The following NF2 variants were observed in gnomAD, a reference collection of about 807,000 sequenced individuals.
NF2 encodes the protein NF2, moesin-ezrin-radixin like (MERLIN) tumor suppressor.
Under a neutral mutation model 83.7 loss-of-function variants are expected in NF2, and 8 were observed. The ratio of observed to expected loss-of-function variants is 0.10; its 90% CI spans 0.06 to 0.17. The LOEUF (loss-of-function observed/expected upper bound fraction) is 0.17. Among genes scored for constraint, NF2 ranks in the 10% least tolerant of loss-of-function variants. The pLI is 1.00. For missense variants in NF2, 533 were observed against 744.4 expected, an observed-to-expected ratio of 0.72 and a Z score of 3.31; for synonymous variants, 266 against 269.6, an observed-to-expected ratio of 0.99 and a Z score of 0.13.
At chr22:29,677,507 A>G (rs2067000859) in intron 13 of NF2, among the ~76,000 whole-genome samples, 1 of 151,850 alleles carries the variant, frequency 6.6e-6, no homozygotes, top group South Asian at 2.1e-4. Flanking sequence ...GTCCAAAAAA[A>G]AAAAAAACTA....
chr22:29,661,466 G>A, intron 8 of NF2, 127 bp downstream of exon 8: 1 of 1,398,198 alleles, frequency 7.2e-7, no homozygotes, highest in Non-Finnish European at 1.0e-6. Context: ...GGCTTTGAGG[G>A]TGTGGTTGTT....
intron 1 of NF2, 92 bp downstream of exon 1, chr22:29,604,204 A>G: frequency 9.3e-7 from 1 of 1,077,284 alleles, no homozygotes; most frequent in East Asian, 2.6e-5. Flanking sequence ...GTAGCTAGAG[A>G]CGGGCAGAAC....
chr22:29,603,982 G>C lies in NF2; in HGVS notation c.-17G>C. On this transcript the variant is annotated 5_prime_UTR_variant, in exon 1 of 16. Transcript: ENST00000338641. ...CAGGCCGTGGGGCGCGAGGGTCCCG[G>C]GCCTGAGCCCCGCGCCATGGCCGGG... 6.4e-7 allele frequency: 1 copy of C among 1,556,344 alleles called. No individual in the cohort carries two copies. Among genetic ancestry groups the C allele is most frequent in the Non-Finnish European group, 8.7e-7 (1 of 1,147,856 alleles).
intron 1 of NF2, among the ~76,000 whole-genome samples, chr22:29,619,271 C>G (rs1214448192): frequency 1.3e-5 from 2 of 152,212 alleles, no homozygotes; most frequent in Admixed American, 6.5e-5. Context: ...TCTCGAACTC[C>G]TGACCTCAGG....
chr22:29,670,503 T>TTTTGTGTGTGTG (rs370999091), intron 10 of NF2, among the ~76,000 whole-genome samples: 1 of 146,342 alleles, frequency 6.8e-6, no homozygotes, highest in African/African-American at 2.6e-5. Flanking sequence ...CTTTTTGAGC[T>TTTTGTGTGTGTG]TGTGTGTGTG....
intron 7 of NF2, 27 bp downstream of exon 7, chr22:29,658,291 TGTGTAGTA>T (rs1431909570): frequency 5.6e-6 from 9 of 1,599,230 alleles, no homozygotes; most frequent in Non-Finnish European, 7.7e-6. Flanking sequence ...CTGAGCTCCT[TGTGTAGTA>T]GACAGAGACT....
intron 4 of NF2, among the ~76,000 whole-genome samples, chr22:29,644,353 T>C (rs1449630105): frequency 1.4e-5 from 2 of 141,660 alleles, no homozygotes; most frequent in African/African-American, 5.4e-5. Context: ...CCTCACTTCC[T>C]AGATGTGATG....
intron 15 of NF2, among the ~76,000 whole-genome samples, chr22:29,691,140 G>A (rs2067393467): frequency 1.3e-5 from 2 of 152,220 alleles, no homozygotes; most frequent in Non-Finnish European, 2.9e-5. Context: ...CTTCTTCCTG[G>A]ATAACCTTCA....
At chr22:29,689,323 A>C (rs765308758) in intron 15 of NF2, among the ~76,000 whole-genome samples, 24 of 152,000 alleles carry the variant, frequency 1.6e-4, no homozygotes, top group Non-Finnish European at 3.1e-4. Context: ...ATTCTTTTGG[A>C]ATTTGCTGCT....
chr22:29,668,839 G>A (rs1474970886), intron 10 of NF2, among the ~76,000 whole-genome samples: 1 of 152,188 alleles, frequency 6.6e-6, no homozygotes, highest in African/African-American at 2.4e-5. Context: ...ATGCCAGGTG[G>A]CATTTCAGTG....
rs1301267226 is a variant in NF2 at position 29,694,925 on chromosome 22, T to C, written c.*123T>C. ...GGGGTTTCCGTGGGAGCTCCAGAAC[T>C]TTCCCCAGCTGAGTGAAGAGCCCAG... On this transcript the variant is annotated 3_prime_UTR_variant, in exon 16 of 16. Coordinates refer to ENST00000338641, the MANE Select transcript of NF2 (RefSeq NM_000268.4). The surrounding 1 kb of genome is among the most constrained non-coding windows in gnomAD (Gnocchi z 4.1). 14 of 1,001,180 alleles carry C rather than the reference T, an allele frequency of 1.4e-5. No homozygotes were observed. Among genetic ancestry groups the C allele is most frequent in the Admixed American group, 1.4e-4 (7 of 50,284 alleles). 62.0% of individuals were successfully genotyped at this position (1,001,180 alleles called of 1,614,324 possible). A position where few individuals can be genotyped will look rare whatever the true frequency, so the allele number is the denominator to read the frequency against.
intron 12 of NF2, among the ~76,000 whole-genome samples, chr22:29,674,113 A>G (rs2066890665): frequency 2.0e-5 from 3 of 152,372 alleles, no homozygotes; most frequent in African/African-American, 7.2e-5. Context: ...GATTTAGAGC[A>G]CTTGAATTTG....
In NF2 at chr22:29,683,124, C is replaced by T. The variant is rs142264443; in HGVS notation, c.1737+1523C>T. 3,392 of 1,614,110 alleles carry T rather than the reference C, an allele frequency of 2.1e-3. 8 individuals are homozygous for T. Among genetic ancestry groups the T allele is most frequent in the Non-Finnish European group, 2.7e-3 (3,183 of 1,179,988 alleles). On this transcript the variant is annotated intron_variant, in intron 15 of 15. Coordinates refer to ENST00000338641, the MANE Select transcript of NF2 (RefSeq NM_000268.4). ...GGTGCTGCCCTCTGTGATACTAACC[C>T]GTGCATGAGCTTGCCTGTCTCTGTC...
intron 1 of NF2, chr22:29,609,384 C>A: frequency 3.5e-6 from 2 of 566,530 alleles, no homozygotes; most frequent in Non-Finnish European, 6.8e-6. Context: ...TGTGCAGAGG[C>A]GAAGCTAACA....
In NF2 at chr22:29,636,580, C is replaced by T. The variant is rs557012060; in HGVS notation, c.115-171C>T. On this transcript the variant is annotated intron_variant, in intron 1 of 15. Transcript: ENST00000338641. The surrounding 1 kb of genome is among the most constrained non-coding windows in gnomAD (Gnocchi z 4.4). ...GCCATTAAGCTCTAATTGGTATTTT[C>T]CCACTCATGGGTTTGTAAAGGAAGC... Among the ~76,000 whole-genome samples the T allele has an allele frequency of 1.1e-3, 172 of 152,310 alleles. No individual in the cohort carries two copies. Among genetic ancestry groups the T allele is most frequent in the African/African-American group, 4.0e-3 (166 of 41,554 alleles).
At chr22:29,624,821 C>T (rs1465968824) in intron 1 of NF2, among the ~76,000 whole-genome samples, 1 of 134,762 alleles carries the variant, frequency 7.4e-6, no homozygotes, top group Admixed American at 7.1e-5. Flanking sequence ...TTCTTTCTTT[C>T]TTTCTTTCTT....
intron 1 of NF2, among the ~76,000 whole-genome samples, chr22:29,617,820 A>G (rs2079647): frequency 0.47 from 71,538 of 152,036 alleles, 17,324 homozygotes; most frequent in East Asian, 0.75. Context: ...CACACTTTGA[A>G]TAGCAGAGCA....
chr22:29,660,832 G>A (rs574825899), intron 7 of NF2, among the ~76,000 whole-genome samples: 25 of 152,348 alleles, frequency 1.6e-4, no homozygotes, highest in Non-Finnish European at 2.5e-4. Flanking sequence ...CTCCCAAAGT[G>A]CTGGGATTAC....
chr22:29,658,624 TCCCCAC>T (rs921374908), intron 7 of NF2, among the ~76,000 whole-genome samples: 10 of 28,308 alleles, frequency 3.5e-4, no homozygotes, highest in African/African-American at 1.4e-3. Flanking sequence ...CCCACCCCCA[TCCCCAC>T]CCCCACCCCC....
Sources: allele counts gnomAD v4.1 joint callset (sites outside exome capture counted in the v4.1 genomes callset), GRCh38; gene constraint gnomAD v4.1.1; non-coding constraint Gnocchi (gnomAD v3.1); transcripts MANE v1.5; gene names NCBI Gene and HGNC (gene_info 2026-07-23, HGNC 2026-07-21).